Variants in TCF12 observed in about 807,000 individuals in gnomAD.
TCF12 encodes DNA-binding protein HTF4.
In TCF12, 45 loss-of-function variants were observed where a neutral mutation model predicts 86.0. The ratio of observed to expected loss-of-function variants is 0.52; its 90% CI spans 0.41 to 0.67. The LOEUF is 0.67. Among genes scored for constraint, TCF12 ranks in the 30% least tolerant of loss-of-function variants. TCF12 has a pLI of 0.00. For synonymous variants in TCF12, 330 were observed against 299.6 expected (o/e 1.10, Z -1.05); for missense variants, 881 against 859.9 (o/e 1.02, Z -0.31).
chr15:57,267,254 C>CT (rs1286745518), intron 18 of TCF12, among the ~76,000 whole-genome samples: 1 of 152,058 alleles, frequency 6.6e-6, no homozygotes, highest in African/African-American at 2.4e-5. Context: ...AAAAGGTGTC[C>CT]TTTTGCTCTT....
intron 19 of TCF12, 116 bp downstream of exon 19, chr15:57,273,378 T>A: frequency 9.5e-7 from 1 of 1,048,278 alleles, no homozygotes; most frequent in Non-Finnish European, 1.4e-6. Flanking sequence ...GTACTTCTTC[T>A]ACTGTATCAT....
intron 3 of TCF12, among the ~76,000 whole-genome samples, chr15:56,981,369 A>C (rs1456232188): frequency 1.3e-5 from 2 of 152,168 alleles, no homozygotes; most frequent in African/African-American, 4.8e-5. Context: ...TCCTCTGGAG[A>C]GAACGGATGT....
At chr15:56,976,247 T>C (rs2062596063) in intron 3 of TCF12, among the ~76,000 whole-genome samples, 2 of 139,848 alleles carry the variant, frequency 1.4e-5, no homozygotes, top group African/African-American at 5.7e-5. Flanking sequence ...TTTTTTTTTT[T>C]TGAGATGGAG....
rs1373877893 is a variant in TCF12 at position 57,163,336 on chromosome 15, T to C, written c.326-3066T>C. ...AAAGTATACATGTCATGCTGACTAA[T>C]TGACGTAGAAGTTTTACAACTCTAA... is the stretch of plus-strand genomic sequence containing the variant. On this transcript the variant is annotated intron_variant, in intron 5 of 20. Transcript: ENST00000333725. Among the ~76,000 whole-genome samples, 3 of 152,232 alleles carry C rather than the reference T, an allele frequency of 2.0e-5. No homozygotes were observed. The East Asian group carries it at 5.8e-4, about 29-fold the overall frequency.
intron 3 of TCF12, among the ~76,000 whole-genome samples, chr15:57,046,464 A>G (rs1003013307): frequency 2.6e-5 from 4 of 152,042 alleles, no homozygotes; most frequent in African/African-American, 7.2e-5. Context: ...TGTTTTTGAG[A>G]TGGAGTCTCA....
chr15:57,290,156 A>G (rs1426243673), downstream of TCF12, among the ~76,000 whole-genome samples: 1 of 152,082 alleles, frequency 6.6e-6, no homozygotes, highest in Non-Finnish European at 1.5e-5. Context: ...CAGCCTGGCC[A>G]ACATGGTAAA....
intron 3 of TCF12, among the ~76,000 whole-genome samples, chr15:56,990,944 A>T (rs1439030269): frequency 1.3e-5 from 2 of 151,832 alleles, no homozygotes; most frequent in African/African-American, 2.4e-5. Flanking sequence ...ACAGATGTGC[A>T]CCACTGCACT....
intron 3 of TCF12, among the ~76,000 whole-genome samples, chr15:56,966,320 A>G (rs1258115823): frequency 3.3e-5 from 5 of 152,180 alleles, no homozygotes; most frequent in Non-Finnish European, 5.9e-5. Context: ...ATTACTTTCA[A>G]TGGCAGAAAA....
intron 5 of TCF12, among the ~76,000 whole-genome samples, chr15:57,097,357 G>A (rs569388180): frequency 8.6e-5 from 13 of 151,510 alleles, no homozygotes; most frequent in Non-Finnish European, 1.8e-4. Context: ...GTGAAACCCT[G>A]TCTCTACAAA....
intron 8 of TCF12, among the ~76,000 whole-genome samples, chr15:57,213,850 A>G (rs1466200615): frequency 6.6e-6 from 1 of 152,236 alleles, no homozygotes; most frequent in Non-Finnish European, 1.5e-5. Flanking sequence ...TAGATTGCCT[A>G]ACGAGTCAAT....
At chr15:57,100,520 T>A (rs2049663986) in intron 5 of TCF12, among the ~76,000 whole-genome samples, 1 of 151,766 alleles carries the variant, frequency 6.6e-6, no homozygotes, top group African/African-American at 2.4e-5. Context: ...GTCTTGGTCT[T>A]CCAAAGTGCT....
intron 12 of TCF12, among the ~76,000 whole-genome samples, chr15:57,240,879 CAAAAA>C (rs68154303): frequency 1.1e-4 from 7 of 65,684 alleles, no homozygotes; most frequent in Admixed American, 2.5e-4. Flanking sequence ...GACCCTGTCT[CAAAAA>C]AAAAAAAAAA....
chr15:57,034,752 A>G (rs1280846068), intron 3 of TCF12, among the ~76,000 whole-genome samples: 1 of 152,208 alleles, frequency 6.6e-6, no homozygotes, highest in Non-Finnish European at 1.5e-5. Context: ...AAAACCGTAT[A>G]GTTAATAAGC....
At chr15:57,030,953 A>G (rs1299130201) in intron 3 of TCF12, among the ~76,000 whole-genome samples, 1 of 152,230 alleles carries the variant, frequency 6.6e-6, no homozygotes, top group African/African-American at 2.4e-5. Flanking sequence ...AATCCAACCA[A>G]TTGCCTATCT....
chr15:57,279,548 T>A (rs2061582247), intron 19 of TCF12, among the ~76,000 whole-genome samples: 1 of 152,150 alleles, frequency 6.6e-6, no homozygotes, highest in Admixed American at 6.5e-5. Flanking sequence ...ATCAAAGTTG[T>A]GTATTTATTT....
At chr15:57,167,483 C>T (rs1020868553) in intron 6 of TCF12, among the ~76,000 whole-genome samples, 20 of 151,824 alleles carry the variant, frequency 1.3e-4, no homozygotes, top group Admixed American at 1.3e-3. Flanking sequence ...ATCACTTGAG[C>T]CCAGGAGTTG....
chr15:56,975,767 A>C lies in TCF12; in HGVS notation c.148+54669A>C, dbSNP rs189055199. 3.3e-5 allele frequency among the ~76,000 whole-genome samples: 5 copies of C among 152,152 alleles called. No individual in the cohort carries two copies. The East Asian group carries it at 9.6e-4, about 29-fold the overall frequency. On this transcript the variant is annotated intron_variant, in intron 3 of 20. Coordinates refer to ENST00000333725, the MANE Select transcript of TCF12 (RefSeq NM_207037.2). ...ATAAAACTTTAGGTTTTAAAAGTCA[A>C]ATTTTCTTTGTATCTAAATTGAGCT...
At chr15:57,156,967 A>T (rs2593252) in intron 5 of TCF12, among the ~76,000 whole-genome samples, 111,618 of 152,106 alleles carry the variant, frequency 0.73, 42,235 homozygotes, top group Non-Finnish European at 0.83. Context: ...ATTATTTAAG[A>T]GTGTGAATAC....
chr15:57,272,922 AT>A, intron 18 of TCF12, 107 bp from the exon 19 acceptor site: 1 of 1,050,212 alleles, frequency 9.5e-7, no homozygotes, highest in Non-Finnish European at 1.4e-6. Flanking sequence ...TGTTTACAAG[AT>A]TTATAGGTGG....
Sources: gnomAD v4.1 joint callset for allele counts (sites outside exome capture counted in the v4.1 genomes callset) on GRCh38, gnomAD v4.1.1 for gene constraint, MANE v1.5 for transcripts, NCBI Gene and HGNC (gene_info 2026-07-23, HGNC 2026-07-21) for gene names.